The following RBFOX1 variants were observed in gnomAD, a reference collection of about 807,000 sequenced individuals.
RBFOX1 encodes the protein RNA binding fox-1 homolog 1.
RBFOX1 carries 8 observed loss-of-function variants against 57.7 expected under a neutral mutation model. That is an observed-to-expected ratio of 0.14 (90% CI 0.08 to 0.25). The LOEUF (loss-of-function observed/expected upper bound fraction) is 0.25, where lower values mean the gene tolerates loss of function less well. RBFOX1 is among the 10% of genes least tolerant of loss of function. The pLI is 1.00. For missense variants in RBFOX1, 611 were observed against 548.5 expected (o/e 1.11, Z -1.14); for synonymous variants, 326 against 222.4 (o/e 1.47, Z -4.15).
At chr16:6,214,182 C>G (rs138424421) in intron 1 of RBFOX1, among the ~76,000 whole-genome samples, 1 of 152,236 alleles carries the variant, frequency 6.6e-6, no homozygotes, top group East Asian at 1.9e-4. Context: ...CCTTCTCTCC[C>G]ACTGTCTCCA....
intron 3 of RBFOX1, among the ~76,000 whole-genome samples, chr16:6,712,859 G>A (rs1233012884): frequency 3.3e-5 from 5 of 149,988 alleles, no homozygotes; most frequent in African/African-American, 7.4e-5. Context: ...GGGACCCAGT[G>A]GGAGGTAATT....
Position 5,589,039 on chromosome 16 carries a change from G to T in RBFOX1, c.259-9863G>T, listed in dbSNP as rs554118145. 2.0e-5 allele frequency among the ~76,000 whole-genome samples: 3 copies of T among 152,320 alleles called. No homozygotes were observed. In the South Asian group the frequency reaches 6.2e-4, roughly 32 times the overall value. ...GGATGTAGCTGAAAAACTGCATAGAGAGGGCATCCATCAGGGATGGCAGGG... is the reference window on the plus strand; with the variant it reads ...GGATGTAGCTGAAAAACTGCATAGATAGGGCATCCATCAGGGATGGCAGGG... On this transcript the variant is annotated intron_variant, in intron 2 of 2. Coordinates refer to the RBFOX1 transcript ENST00000585867.
intron 3 of RBFOX1, among the ~76,000 whole-genome samples, chr16:6,854,751 C>A (rs145516490): frequency 2.0e-5 from 3 of 151,784 alleles, no homozygotes; most frequent in South Asian, 4.2e-4. Flanking sequence ...CCTGCCATTG[C>A]GCCCGGCTAA....
chr16:5,706,207 G>C (rs545051886), intron 3 of RBFOX1, among the ~76,000 whole-genome samples: 1 of 152,150 alleles, frequency 6.6e-6, no homozygotes, highest in African/African-American at 2.4e-5. Flanking sequence ...CATGGCTCCC[G>C]GCCATGTTGC....
At chr16:6,559,478 G>C (rs1011467404) in intron 2 of RBFOX1, among the ~76,000 whole-genome samples, 3 of 151,996 alleles carry the variant, frequency 2.0e-5, no homozygotes, top group Non-Finnish European at 4.4e-5. Flanking sequence ...AGTTTATCCT[G>C]AACTATGCAT....
intron 4 of RBFOX1, among the ~76,000 whole-genome samples, chr16:7,311,264 T>C (rs1238039890): frequency 6.6e-6 from 1 of 152,178 alleles, no homozygotes; most frequent in Admixed American, 6.5e-5. Context: ...TCCTTTTCTT[T>C]ATGTGTCTTG....
At chr16:7,507,557 C>CT (rs2073741283) in intron 4 of RBFOX1, among the ~76,000 whole-genome samples, 3 of 74,068 alleles carry the variant, frequency 4.1e-5, no homozygotes, top group Non-Finnish European at 8.3e-5. Flanking sequence ...TTTTTTTTTT[C>CT]TTTCTTTCTT....
intron 3 of RBFOX1, chr16:6,723,897 A>G (rs985540162): frequency 6.6e-6 from 1 of 152,114 alleles, no homozygotes; most frequent in Non-Finnish European, 1.5e-5. Flanking sequence ...GATACAGAGC[A>G]CTCACCCAGT....
intron 4 of RBFOX1, among the ~76,000 whole-genome samples, chr16:7,405,493 G>T (rs1001532973): frequency 2.6e-5 from 4 of 152,222 alleles, no homozygotes; most frequent in African/African-American, 9.6e-5. Context: ...TCTGAAGGCA[G>T]CAATTAAATG....
At chr16:5,775,837 A>T (rs1452702795) in intron 3 of RBFOX1, among the ~76,000 whole-genome samples, 1 of 152,218 alleles carries the variant, frequency 6.6e-6, no homozygotes, top group Non-Finnish European at 1.5e-5. Flanking sequence ...GGAAATGAAG[A>T]TGCAGGCGTC....
intron 2 of RBFOX1, among the ~76,000 whole-genome samples, chr16:6,516,881 T>G (rs1362137716): frequency 2.0e-5 from 3 of 152,100 alleles, no homozygotes; most frequent in Admixed American, 1.3e-4. Flanking sequence ...AATGTTGCAT[T>G]TGAAAAAGAG....
chr16:7,328,500 A>AAAAG (rs1555718992), intron 4 of RBFOX1: 26 of 149,844 alleles, frequency 1.7e-4, no homozygotes, highest in African/African-American at 6.2e-4. Context: ...AAAAAAAAAA[A>AAAAG]GAAGACCTGG....
chr16:6,945,559 A>G (rs758511508), intron 3 of RBFOX1, among the ~76,000 whole-genome samples: 1 of 152,088 alleles, frequency 6.6e-6, no homozygotes, highest in Non-Finnish European at 1.5e-5. Context: ...CTCATGGGCA[A>G]CCAGTTTGCA....
In RBFOX1 at chr16:7,272,054, G is replaced by A. The variant is rs555591389; in HGVS notation, c.27+219956G>A. On this transcript the variant is annotated intron_variant, in intron 4 of 15. Transcript: ENST00000550418. ...ACCACTTTGCAGAGAGAGTGATAGCGGCTTGTGATCATATCCTCTTCATAT... is the reference window on the plus strand; with the variant it reads ...ACCACTTTGCAGAGAGAGTGATAGCAGCTTGTGATCATATCCTCTTCATAT... 4.6e-5 allele frequency among the ~76,000 whole-genome samples: 7 copies of A among 152,204 alleles called. 1 individual carries two copies. The highest frequency in any genetic ancestry group is 3.9e-4 in the East Asian group (2 of 5,178).
intron 4 of RBFOX1, among the ~76,000 whole-genome samples, chr16:7,131,571 C>A (rs1160107604): frequency 6.6e-6 from 1 of 151,612 alleles, no homozygotes; most frequent in Non-Finnish European, 1.5e-5. Flanking sequence ...AGGTTTGAAC[C>A]ATGTTCATTT....
intron 3 of RBFOX1, chr16:6,774,053 G>A (rs1017128041): frequency 6.3e-6 from 6 of 948,540 alleles, no homozygotes; most frequent in Non-Finnish European, 7.5e-6. Flanking sequence ...AATGCTCATT[G>A]GCTTTCTGAT....
chr16:6,877,153 A>G (rs2061997454), intron 3 of RBFOX1, among the ~76,000 whole-genome samples: 1 of 152,192 alleles, frequency 6.6e-6, no homozygotes, highest in African/African-American at 2.4e-5. Flanking sequence ...AAAAAAGCAG[A>G]CGAATGAAAA....
chr16:7,142,816 G>T (rs1252712966), intron 4 of RBFOX1, among the ~76,000 whole-genome samples: 1 of 152,068 alleles, frequency 6.6e-6, no homozygotes, highest in Non-Finnish European at 1.5e-5. Flanking sequence ...AGTATTGAAT[G>T]AATGAAAGAT....
chr16:7,233,213 C>A (rs1603417719), intron 4 of RBFOX1, among the ~76,000 whole-genome samples: 1 of 126,750 alleles, frequency 7.9e-6, no homozygotes, highest in East Asian at 3.4e-4. Context: ...CTAAACTCAT[C>A]CTTTTTTTTT....
Sources: gnomAD v4.1 joint callset for allele counts (sites outside exome capture counted in the v4.1 genomes callset) on GRCh38, gnomAD v4.1.1 for gene constraint, MANE v1.5 for transcripts, NCBI Gene and HGNC (gene_info 2026-07-23, HGNC 2026-07-21) for gene names.